The following ITGA6 variants were observed in gnomAD, a reference collection of about 807,000 sequenced individuals.
The protein encoded by ITGA6 is integrin alpha-6.
In ITGA6, 63 loss-of-function variants were observed where a neutral mutation model predicts 133.6. That is an observed-to-expected ratio of 0.47 (90% CI 0.38 to 0.58). ITGA6 has a LOEUF of 0.58. Ranked by LOEUF, ITGA6 falls within the 20% of genes least tolerant of loss-of-function variation. ITGA6 has a pLI of 0.00. For synonymous variants in ITGA6, 434 were observed against 482.0 expected (o/e 0.90, Z 1.30); for missense variants, 1,068 against 1,309.4 (o/e 0.82, Z 2.85).
intron 9 of ITGA6, among the ~76,000 whole-genome samples, chr2:172,478,304 A>T (rs1686268189): frequency 6.6e-6 from 1 of 152,234 alleles, no homozygotes; most frequent in African/African-American, 2.4e-5. Flanking sequence ...CTACCAACAG[A>T]TTGATTCCAG....
chr2:172,464,299 A>C (rs1685555529), intron 1 of ITGA6: 1 of 152,234 alleles, frequency 6.6e-6, no homozygotes, highest in South Asian at 2.1e-4. Flanking sequence ...CCCAACAGGC[A>C]TGAAGGTAAT....
At chr2:172,438,892 G>A (rs1168105742) in intron 1 of ITGA6, among the ~76,000 whole-genome samples, 1 of 151,936 alleles carries the variant, frequency 6.6e-6, no homozygotes, top group African/African-American at 2.4e-5. Context: ...GATGAAGACA[G>A]GAAGGGGAAA....
intron 23 of ITGA6, among the ~76,000 whole-genome samples, chr2:172,494,666 T>C (rs1308633757): frequency 6.6e-6 from 1 of 152,216 alleles, no homozygotes; most frequent in African/African-American, 2.4e-5. Flanking sequence ...GACACATGTA[T>C]GCCTTCCCTG....
At chr2:172,484,631 C>A in intron 11 of ITGA6, 151 bp from the exon 12 acceptor site, 1 of 702,120 alleles carries the variant, frequency 1.4e-6, no homozygotes, top group Non-Finnish European at 2.5e-6. Context: ...TGAACCATCA[C>A]AATTGTGCAA....
At chr2:172,430,731 A>T (rs1278860840) in intron 1 of ITGA6, among the ~76,000 whole-genome samples, 1 of 152,240 alleles carries the variant, frequency 6.6e-6, no homozygotes, top group Non-Finnish European at 1.5e-5. Flanking sequence ...CATAAACTTC[A>T]TCCAGGTTTT....
intron 9 of ITGA6, among the ~76,000 whole-genome samples, chr2:172,477,841 A>G (rs771714362): frequency 1.3e-5 from 2 of 152,202 alleles, no homozygotes; most frequent in African/African-American, 2.4e-5. Flanking sequence ...TGTAGCACCT[A>G]AATCTTCCTG....
At chr2:172,450,149 G>T (rs975634587) in intron 1 of ITGA6, among the ~76,000 whole-genome samples, 12 of 152,148 alleles carry the variant, frequency 7.9e-5, no homozygotes, top group African/African-American at 2.7e-4. Flanking sequence ...GCAGAGAAAG[G>T]GCCACTCACC....
At chr2:172,501,412 T>C (rs1456674394) in intron 24 of ITGA6, among the ~76,000 whole-genome samples, 2 of 152,262 alleles carry the variant, frequency 1.3e-5, no homozygotes, top group African/African-American at 4.8e-5. Flanking sequence ...GAAGTCAATC[T>C]TTTGCCTCTT....
In ITGA6 at chr2:172,491,459, T is replaced by C. The variant is rs747588364; in HGVS notation, c.2924T>C (p.Met975Thr). The stretch of plus-strand genomic sequence containing the variant: ...AAACTGAACTACTTGGACATTCTCA[T>C]GCGAGCCTTCATTGATGTGACTGCT... Reference protein sequence around the residue: ...YSKLNYLDILMRAFIDVTAAA... With the variant: ...YSKLNYLDILTRAFIDVTAAA... Residue 975 changes from methionine (M) to threonine (T), a missense_variant, in exon 23 of 26, where the codon ATG (methionine) becomes ACG (threonine). Physicochemically the swap from Met to Thr is moderately conservative, Grantham distance 81. This residue lies in a region of ITGA6 where 609 missense variants were observed against 707.2 expected (regional missense o/e 0.86). Transcript: ENST00000684293. The surrounding 1 kb of genome is among the most constrained non-coding windows in gnomAD (Gnocchi z 4.4). 3.7e-6 allele frequency: 6 copies of C among 1,613,952 alleles called. No individual in the cohort carries two copies. The highest frequency in any genetic ancestry group is 2.2e-5 in the East Asian group (1 of 44,870).
In ITGA6 at chr2:172,494,424, C is replaced by A. The variant is rs988727493; in HGVS notation, c.2988+2901C>A. Among the ~76,000 whole-genome samples, 14 of 152,254 alleles carry A rather than the reference C, an allele frequency of 9.2e-5. No homozygotes were observed. The East Asian group carries it at 2.7e-3, about 29-fold the overall frequency. On this transcript the variant is annotated intron_variant, in intron 23 of 25. Coordinates refer to ENST00000684293, the MANE Select transcript of ITGA6 (RefSeq NM_000210.4). ...CTGGGAGGCTGAGCTGAGAGGATCA[C>A]CTCAGCTCAGGAAGTCGAGGCTGCA... is the stretch of plus-strand genomic sequence containing the variant.
At position 172,471,106 on chromosome 2, in the gene ITGA6, G is replaced by A; in HGVS notation, c.775+1G>A. On this transcript the variant is annotated splice_donor_variant, in intron 5 of 25. Transcript: ENST00000684293. LOFTEE classifies it high-confidence loss of function. ...CCTGTTCCTGCTAACAGTTACTTAGGTAGGAGCAGGCACAGATGGCTGCCT... is the reference window on the plus strand; with the variant it reads ...CCTGTTCCTGCTAACAGTTACTTAGATAGGAGCAGGCACAGATGGCTGCCT... 1 of 1,614,196 alleles carries A rather than the reference G, an allele frequency of 6.2e-7. No homozygotes were observed. The highest frequency in any genetic ancestry group is 8.5e-7 in the Non-Finnish European group (1 of 1,180,030).
chr2:172,469,906 C>G (rs1365902630), intron 4 of ITGA6, among the ~76,000 whole-genome samples: 1 of 151,962 alleles, frequency 6.6e-6, no homozygotes, highest in Admixed American at 6.6e-5. Flanking sequence ...GGTATAATTT[C>G]AGATATGTGA....
chr2:172,442,935 C>T lies in ITGA6; in HGVS notation c.182+14965C>T, dbSNP rs150562484. 8.5e-3 allele frequency among the ~76,000 whole-genome samples: 1,300 copies of T among 152,154 alleles called. 13 individuals carry two copies. The highest frequency in any genetic ancestry group is 0.029 in the African/African-American group (1,209 of 41,494). On this transcript the variant is annotated intron_variant, in intron 1 of 25. Transcript: ENST00000684293. ...TCTCTGCAAGATTTTCAGTGACCCT[C>T]GTGTCCATGGACTGACCTCCATTTT...
At chr2:172,462,778 C>T (rs1450577627) in intron 1 of ITGA6, among the ~76,000 whole-genome samples, 1 of 152,166 alleles carries the variant, frequency 6.6e-6, no homozygotes, top group Non-Finnish European at 1.5e-5. Context: ...GCAGCTGTAC[C>T]CTGCAGGACA....
intron 5 of ITGA6, among the ~76,000 whole-genome samples, chr2:172,472,526 GAGAA>G (rs1226484481): frequency 6.6e-6 from 1 of 152,198 alleles, no homozygotes; most frequent in Non-Finnish European, 1.5e-5. Flanking sequence ...GTGAATGCCT[GAGAA>G]AGAAATCAAA....
chr2:172,427,984 C>A lies in ITGA6; in HGVS notation c.182+14C>A. 6.3e-7 allele frequency: 1 copy of A among 1,595,868 alleles called. No homozygotes were observed. Among genetic ancestry groups the A allele is most frequent in the African/African-American group, 1.4e-5 (1 of 73,250 alleles). ...GGACAAGCGGCTGTGAGTTCCCAGA[C>A]CCTTCCCACCCCCACTGGGGCGCCG... is the stretch of plus-strand genomic sequence containing the variant. On this transcript the variant is annotated intron_variant, in intron 1 of 25. Transcript: ENST00000684293.
intron 2 of ITGA6, among the ~76,000 whole-genome samples, chr2:172,466,787 A>AGTTTC (rs11281734): frequency 0.14 from 22,031 of 152,142 alleles, 1,698 homozygotes; most frequent in Non-Finnish European, 0.17. Context: ...AAAGTTGTTT[A>AGTTTC]ATGTTTTTGT....
chr2:172,451,236 C>T lies in ITGA6; in HGVS notation c.183-14303C>T, dbSNP rs544252229. ...TCCCAGCACTTTGGGAGGCCAAGGC[C>T]GGTAGATCAGTTGAGGTCAGGAGTT... On this transcript the variant is annotated intron_variant, in intron 1 of 25. Transcript: ENST00000684293. Among the ~76,000 whole-genome samples the T allele has an allele frequency of 6.7e-4, 102 of 151,556 alleles. 1 individual carries two copies. The Middle Eastern group carries it at 0.01, about 15-fold the overall frequency.
intron 1 of ITGA6, among the ~76,000 whole-genome samples, chr2:172,431,560 A>C (rs577365367): frequency 6.6e-6 from 1 of 152,284 alleles, no homozygotes; most frequent in African/African-American, 2.4e-5. Flanking sequence ...TTCCCTTCTG[A>C]AAAAGCCCAG....
Sources: gnomAD v4.1 joint callset for allele counts (sites outside exome capture counted in the v4.1 genomes callset) on GRCh38, gnomAD v4.1.1 for gene constraint, gnomAD v4.1.1 regional missense constraint, Gnocchi (gnomAD v3.1) non-coding constraint, MANE v1.5 for transcripts, NCBI Gene and HGNC (gene_info 2026-07-23, HGNC 2026-07-21) for gene names.